The following ADAM32 variants were observed in gnomAD, a reference collection of about 807,000 sequenced individuals.
ADAM32 encodes the protein disintegrin and metalloproteinase domain-containing protein 32.
ADAM32 carries 89 observed loss-of-function variants against 114.9 expected under a neutral mutation model. That is an observed-to-expected ratio of 0.77 (90% confidence interval 0.65 to 0.92). The LOEUF (loss-of-function observed/expected upper bound fraction) is 0.92. Ranked by LOEUF, ADAM32 falls within the 40% of genes least tolerant of loss-of-function variation. The pLI is 0.00. For synonymous variants in ADAM32, 285 were observed against 307.5 expected (o/e 0.93, Z 0.77); for missense variants, 870 against 932.8 (o/e 0.93, Z 0.88).
chr8:39,224,163 G>A (rs1809183579), intron 14 of ADAM32: 1 of 152,096 alleles, frequency 6.6e-6, no homozygotes, highest in South Asian at 2.1e-4. Flanking sequence ...ATCAGATTGT[G>A]CTATACTTTT....
rs923272090 is a variant in ADAM32 at position 39,234,047 on chromosome 8, G to A, written c.1783G>A (p.Ala595Thr). ...KLPRTVPDPL[A>T]VKNGSQCDIG... ...GCCTCGAACAGTTCCAGATCCACTG[G>A]CTGTCAAAAATGGCTCTCAGTGTGA... is the stretch of plus-strand genomic sequence containing the variant. Residue 595 changes from alanine to threonine, a missense_variant, in exon 16 of 25, where the codon GCT becomes ACT. Coordinates refer to ENST00000379907, the MANE Select transcript of ADAM32 (RefSeq NM_145004.7). 1 of 1,494,120 alleles carries A rather than the reference G, an allele frequency of 6.7e-7. No individual in the cohort carries two copies. The highest frequency in any genetic ancestry group is 8.9e-7 in the Non-Finnish European group (1 of 1,118,408). The allele number at this position is 1,494,120 out of a possible 1,614,324, so 92.6% of individuals were successfully genotyped here.
chr8:39,207,844 C>T (rs1483162449), intron 11 of ADAM32, among the ~76,000 whole-genome samples: 1 of 152,160 alleles, frequency 6.6e-6, no homozygotes, highest in Non-Finnish European at 1.5e-5. Context: ...CTGTGTCTGG[C>T]TTATTTCACT....
intron 3 of ADAM32, among the ~76,000 whole-genome samples, chr8:39,141,945 T>C (rs1250484529): frequency 1.2e-4 from 18 of 152,344 alleles, no homozygotes; most frequent in Non-Finnish European, 2.9e-5. Flanking sequence ...CATTATGTAG[T>C]GGCCTTCTTT....
chr8:39,227,242 A>C (rs1449821935), intron 14 of ADAM32, among the ~76,000 whole-genome samples: 2 of 152,008 alleles, frequency 1.3e-5, no homozygotes, highest in South Asian at 2.1e-4. Flanking sequence ...CTGAACACAC[A>C]CCCCCACTGG....
intron 10 of ADAM32, among the ~76,000 whole-genome samples, chr8:39,179,190 G>A (rs1009656652): frequency 3.3e-5 from 5 of 152,064 alleles, no homozygotes; most frequent in African/African-American, 7.2e-5. Context: ...ATCCCAGAGA[G>A]AGATCAGAGT....
At chr8:39,140,481 C>T (rs1393309440) in intron 3 of ADAM32, among the ~76,000 whole-genome samples, 1 of 152,162 alleles carries the variant, frequency 6.6e-6, no homozygotes, top group Non-Finnish European at 1.5e-5. Flanking sequence ...GTCGAACCAG[C>T]CTTGCATCCC....
chr8:39,158,370 T>G, intron 6 of ADAM32: 1 of 176,728 alleles, frequency 5.7e-6, no homozygotes, highest in Non-Finnish European at 1.2e-5. Context: ...TTGCACTCAT[T>G]GCTAATGTGC....
chr8:39,254,135 A>G (rs1037194033), intron 17 of ADAM32, among the ~76,000 whole-genome samples: 5 of 151,364 alleles, frequency 3.3e-5, no homozygotes, highest in African/African-American at 1.2e-4. Flanking sequence ...TTAAGTATGC[A>G]TTTTTGAAAT....
chr8:39,158,004 G>T, intron 6 of ADAM32: 2 of 283,262 alleles, frequency 7.1e-6, no homozygotes, highest in South Asian at 4.5e-5. Flanking sequence ...GGGTCTTGTA[G>T]GGCAGCTTCT....
intron 10 of ADAM32, among the ~76,000 whole-genome samples, chr8:39,180,495 C>T (rs191070837): frequency 1.4e-4 from 21 of 152,342 alleles, no homozygotes; most frequent in Admixed American, 7.8e-4. Flanking sequence ...ATCGACCACC[C>T]GAGGGCTGAG....
At chr8:39,270,344 C>T (rs1434792035) in intron 19 of ADAM32, among the ~76,000 whole-genome samples, 2 of 152,160 alleles carry the variant, frequency 1.3e-5, no homozygotes, top group African/African-American at 4.8e-5. Flanking sequence ...ATATTTCCCT[C>T]TTGCATTCCA....
At chr8:39,140,481 C>G (rs1393309440) in intron 3 of ADAM32, among the ~76,000 whole-genome samples, 2 of 152,162 alleles carry the variant, frequency 1.3e-5, no homozygotes, top group Non-Finnish European at 2.9e-5. Flanking sequence ...GTCGAACCAG[C>G]CTTGCATCCC....
At chr8:39,152,238 G>A (rs997535311) in intron 6 of ADAM32, among the ~76,000 whole-genome samples, 2 of 152,036 alleles carry the variant, frequency 1.3e-5, no homozygotes, top group African/African-American at 2.4e-5. Context: ...CAGAATTGCC[G>A]GTTATGGTCA....
chr8:39,266,623 A>G (rs1585682883), intron 19 of ADAM32, among the ~76,000 whole-genome samples: 1 of 152,272 alleles, frequency 6.6e-6, no homozygotes, highest in South Asian at 2.1e-4. Flanking sequence ...CTTCCTTGCT[A>G]TCCAGAATTA....
In ADAM32 at chr8:39,232,119, G is replaced by T. The variant is rs1198074424; in HGVS notation, c.1618G>T (p.Val540Leu). The T allele has an allele frequency of 1.9e-6, 3 of 1,599,986 alleles. No individual in the cohort carries two copies. The Admixed American group carries it at 5.0e-5, about 27-fold the overall frequency. ...TGGTAGGGATAGAAATAACAAATATGTGTTCTGTGGATGGAGGTATGCTCT... is the reference window on the plus strand; with the variant it reads ...TGGTAGGGATAGAAATAACAAATATTTGTTCTGTGGATGGAGGTATGCTCT... ...NCGRDRNNKY[V>L]FCGWRNLICG... The change falls in exon 15 of 25, where the codon GTG (valine) becomes TTG (leucine). Residue 540 changes from valine to leucine, a missense_variant. Transcript: ENST00000379907.
intron 10 of ADAM32, 27 bp from the exon 11 acceptor site, chr8:39,186,882 T>A (rs1192581387): frequency 3.2e-6 from 5 of 1,540,498 alleles, no homozygotes; most frequent in Non-Finnish European, 4.4e-6. Context: ...TTATCTTTCC[T>A]TAGAATTTTC....
intron 16 of ADAM32, among the ~76,000 whole-genome samples, chr8:39,237,253 G>A (rs941147491): frequency 6.6e-6 from 1 of 152,194 alleles, no homozygotes; most frequent in Non-Finnish European, 1.5e-5. Flanking sequence ...TAATCTGACA[G>A]CAGTGCCTGG....
intron 10 of ADAM32, among the ~76,000 whole-genome samples, chr8:39,184,345 T>C (rs2129447053): frequency 6.6e-6 from 1 of 152,344 alleles, no homozygotes; most frequent in South Asian, 2.1e-4. Context: ...TCTCACTCCA[T>C]TGGTCAGCAG....
At chr8:39,214,893 A>C (rs1015108764) in intron 12 of ADAM32, among the ~76,000 whole-genome samples, 1 of 152,026 alleles carries the variant, frequency 6.6e-6, no homozygotes. Flanking sequence ...GTCTAGTTTC[A>C]TTGTCATGCA....
Sources: gnomAD v4.1 joint callset for allele counts (sites outside exome capture counted in the v4.1 genomes callset) on GRCh38, gnomAD v4.1.1 for gene constraint, MANE v1.5 for transcripts, NCBI Gene and HGNC (gene_info 2026-07-23, HGNC 2026-07-21) for gene names.